Variants in COPA observed in about 807,000 individuals in gnomAD.
The protein encoded by COPA is coatomer subunit alpha.
A neutral mutation model predicts 158.7 loss-of-function variants in COPA; 10 were observed. The observed-to-expected ratio is 0.06, with a 90% CI of 0.04 to 0.11. The LOEUF (loss-of-function observed/expected upper bound fraction) is 0.11. Ranked by LOEUF, COPA falls within the 10% of genes least tolerant of loss-of-function variation. The pLI, the probability that COPA is intolerant of heterozygous loss-of-function variation, is 1.00. For missense variants in COPA, 1,065 were observed against 1,536.7 expected (o/e 0.69, Z 5.13); for synonymous variants, 462 against 542.8 (o/e 0.85, Z 2.07).
intron 27 of COPA, among the ~76,000 whole-genome samples, chr1:160,292,873 T>C (rs573691067): frequency 3.3e-5 from 5 of 152,272 alleles, no homozygotes; most frequent in Non-Finnish European, 7.4e-5. Flanking sequence ...ACTGGCTTAG[T>C]GTTCAAAACA....
chr1:160,316,372 T>C (rs1366365032), intron 8 of COPA, among the ~76,000 whole-genome samples: 1 of 138,592 alleles, frequency 7.2e-6, no homozygotes, highest in African/African-American at 2.7e-5. Context: ...AAAAAAGAAG[T>C]CAGAGGAAAA....
intron 28 of COPA, 30 bp from the exon 29 acceptor site, chr1:160,292,228 G>C: frequency 2.5e-6 from 4 of 1,599,426 alleles, no homozygotes; most frequent in South Asian, 1.1e-5. Context: ...AAGAAGACAG[G>C]ATAGTCAGTA....
chr1:160,317,758 A>T, intron 8 of COPA: 1 of 1,191,636 alleles, frequency 8.4e-7, no homozygotes, highest in Admixed American at 1.7e-5. Flanking sequence ...ATTTTTAAAA[A>T]TAGTTCTTTT....
rs756686942 is a variant in COPA at position 160,293,157 on chromosome 1, G to A, written c.2823+9C>T. The stretch of plus-strand genomic sequence containing the variant: ...GGCACACTCAAGAGGAAAAGCCAAG[G>A]TTACTTACCCGCATGGCTGTTTCGA... On this transcript the variant is annotated intron_variant, in intron 27 of 32. Transcript: ENST00000241704. 13 of 1,614,050 alleles carry A rather than the reference G, an allele frequency of 8.1e-6. No individual in the cohort carries two copies. The highest frequency in any genetic ancestry group is 1.6e-4 in the Middle Eastern group (1 of 6,062).
chr1:160,312,774 A>C (rs1247533622), intron 10 of COPA, among the ~76,000 whole-genome samples: 1 of 152,156 alleles, frequency 6.6e-6, no homozygotes, highest in East Asian at 1.9e-4. Flanking sequence ...CAGTCTCTGC[A>C]TTTGCTGTTC....
At position 160,297,653 on chromosome 1, in the gene COPA, C is replaced by T. The variant is rs1353529151; in HGVS notation, c.2070G>A (p.Val690=). ...VALLQGNHQI[V]EMCYQRTKNF... ...TTTTGGTACGCTGATAGCACATTTC[C>T]ACAATCTGGTGGTTCCCCTGCAGCA... Residue 690 remains valine, a synonymous_variant, in exon 20 of 33, where the codon GTG becomes GTA. Transcript: ENST00000241704. 1 of 1,614,144 alleles carries T rather than the reference C, an allele frequency of 6.2e-7. No homozygotes were observed. The highest frequency in any genetic ancestry group is 8.5e-7 in the Non-Finnish European group (1 of 1,180,020).
intron 14 of COPA, 63 bp from the exon 15 acceptor site, chr1:160,306,556 A>C: frequency 6.3e-7 from 1 of 1,587,442 alleles, no homozygotes; most frequent in Non-Finnish European, 8.6e-7. Context: ...ATGACAACTG[A>C]TGATGTTCCT....
intron 14 of COPA, 69 bp from the exon 15 acceptor site, chr1:160,306,562 T>A: frequency 6.3e-7 from 1 of 1,577,018 alleles, no homozygotes; most frequent in Non-Finnish European, 8.7e-7. Context: ...ACTGATGATG[T>A]TCCTCAGCAA....
intron 17 of COPA, among the ~76,000 whole-genome samples, chr1:160,304,482 G>A (rs1658717442): frequency 6.6e-6 from 1 of 151,770 alleles, no homozygotes; most frequent in Non-Finnish European, 1.5e-5. Context: ...TGGCCAACAT[G>A]GTGAAACCCT....
chr1:160,329,392 T>C (rs1319292880), intron 6 of COPA, among the ~76,000 whole-genome samples: 1 of 152,088 alleles, frequency 6.6e-6, no homozygotes, highest in African/African-American at 2.4e-5. Flanking sequence ...CAAGAGCAAG[T>C]ATAAACCCCA....
intron 1 of COPA, 41 bp from the exon 2 acceptor site, chr1:160,340,335 C>T: frequency 7.9e-7 from 1 of 1,270,664 alleles, no homozygotes; most frequent in East Asian, 2.3e-5. Flanking sequence ...TAACTAAGCC[C>T]CATGATGTCA....
At chr1:160,329,609 T>C (rs1273861324) in intron 6 of COPA, among the ~76,000 whole-genome samples, 1 of 152,010 alleles carries the variant, frequency 6.6e-6, no homozygotes, top group African/African-American at 2.4e-5. Context: ...AACATTACTT[T>C]TACAGTGGAG....
At chr1:160,306,048 G>T in intron 15 of COPA, 1 of 568,970 alleles carries the variant, frequency 1.8e-6, no homozygotes, top group Non-Finnish European at 3.1e-6. Context: ...TGGACTGCAA[G>T]CTCCCTTAAA....
rs367660515 is a variant in COPA, at chr1:160,328,806, C to G, written c.497-3154G>C. ...ACAAATAGTTTTTGCCAGGGTAACA[C>G]AAAAGATTCAGGTTAAGCTAAGCCC... On this transcript the variant is annotated intron_variant, in intron 6 of 32. Coordinates refer to ENST00000241704, the MANE Select transcript of COPA (RefSeq NM_004371.4). 3.9e-5 allele frequency among the ~76,000 whole-genome samples: 6 copies of G among 152,274 alleles called. No homozygotes were observed. The East Asian group carries it at 9.6e-4, about 24-fold the overall frequency.
At chr1:160,311,718 G>GCCTGCACT (rs1658972757) in intron 11 of COPA, 150 bp downstream of exon 11, 25 of 718,138 alleles carry the variant, frequency 3.5e-5, no homozygotes, top group Non-Finnish European at 3.9e-5. Context: ...CTGCACTCCA[G>GCCTGCACT]CCTGGGCGAC....
At chr1:160,299,909 T>G (rs978296643) in intron 17 of COPA, among the ~76,000 whole-genome samples, 10 of 152,012 alleles carry the variant, frequency 6.6e-5, no homozygotes, top group Non-Finnish European at 1.5e-5. Context: ...AAAACTACAG[T>G]AGAGAAGTTC....
At position 160,309,682 on chromosome 1, in the gene COPA, G is replaced by C. The variant is rs368238756; in HGVS notation, c.1144-506C>G. Among the ~76,000 whole-genome samples the C allele has an allele frequency of 6.0e-5, 9 of 150,732 alleles. No individual in the cohort carries two copies. In the East Asian group the frequency reaches 1.6e-3, roughly 26 times the overall value. ...TAGACAATATAGTTATATGAGGAAA[G>C]ACATTTAACTTCATTCCTTTTAACT... On this transcript the variant is annotated intron_variant, in intron 12 of 32. Transcript: ENST00000241704.
chr1:160,313,104 G>A lies in COPA; in HGVS notation c.906C>T (p.Asn302=). 3 of 1,614,098 alleles carry A rather than the reference G, an allele frequency of 1.9e-6. No individual in the cohort carries two copies. Among genetic ancestry groups the A allele is most frequent in the Non-Finnish European group, 2.5e-6 (3 of 1,179,998 alleles). ...DRFWVLAAHP[N]LNLFAAGHDG... Reference sequence around the variant, plus strand: ...CCTTACCTGCTGCAAAGAGGTTAAGGTTAGGGTGAGCAGCTAGGACCCAGA... The same window carrying A: ...CCTTACCTGCTGCAAAGAGGTTAAGATTAGGGTGAGCAGCTAGGACCCAGA... Residue 302 remains asparagine, a synonymous_variant, in exon 10 of 33, where the codon AAC becomes AAT. Transcript: ENST00000241704.
intron 32 of COPA, 116 bp downstream of exon 32, chr1:160,290,376 T>C (rs887079608): frequency 7.2e-7 from 1 of 1,396,648 alleles, no homozygotes; most frequent in African/African-American, 1.4e-5. Context: ...CTTTCTCCAG[T>C]GTCACTGCCT....
Sources: gnomAD v4.1 joint callset for allele counts (sites outside exome capture counted in the v4.1 genomes callset) on GRCh38, gnomAD v4.1.1 for gene constraint, MANE v1.5 for transcripts, NCBI Gene and HGNC (gene_info 2026-07-23, HGNC 2026-07-21) for gene names.